NRG1: variants seen among roughly 807,000 people sequenced by gnomAD.
NRG1 encodes neuregulin 1, also known as pro-neuregulin-1, membrane-bound isoform.
Under a neutral mutation model 63.8 loss-of-function variants are expected in NRG1, and 18 were observed. That is an observed-to-expected ratio of 0.28 (90% confidence interval 0.19 to 0.42). The LOEUF (loss-of-function observed/expected upper bound fraction) is 0.42, where lower values mean the gene tolerates loss of function less well. Ranked by LOEUF, NRG1 falls within the 10% of genes least tolerant of loss-of-function variation. The pLI, the probability that NRG1 is intolerant of heterozygous loss-of-function variation, is 1.00. For missense variants in NRG1, 762 were observed against 814.7 expected, an observed-to-expected ratio of 0.94 and a Z score of 0.79; for synonymous variants, 302 against 301.3, an observed-to-expected ratio of 1.00 and a Z score of -0.02.
chr8:31,791,217 A>AG (rs1395620695), intron 1 of NRG1, among the ~76,000 whole-genome samples: 4 of 151,800 alleles, frequency 2.6e-5, no homozygotes, highest in African/African-American at 7.3e-5. Context: ...AAAAAAAAAA[A>AG]AAAGAAAGAA....
rs1193344362 is a variant in NRG1, at chr8:31,640,709, G to T, written c.37+1278G>T. The T allele has an allele frequency of 1.2e-6, 2 of 1,600,260 alleles. No homozygotes were observed. ...CGGAACCTCAAGAAGGAGGTCAGCC[G>T]GGTGCTGTGCAAGCGGTGCGGTAAG... is the stretch of plus-strand genomic sequence containing the variant. On this transcript the variant is annotated intron_variant, in intron 1 of 10. Transcript: ENST00000519301. The surrounding 1 kb of genome is among the most constrained non-coding windows in gnomAD (Gnocchi z 6.3).
intron 5 of NRG1, among the ~76,000 whole-genome samples, chr8:32,628,469 A>G (rs950240646): frequency 2.0e-5 from 3 of 152,144 alleles, no homozygotes; most frequent in African/African-American, 7.2e-5. Flanking sequence ...GGTATGTTTT[A>G]GGATACATAG....
chr8:32,312,031 C>T (rs74814333), intron 1 of NRG1, among the ~76,000 whole-genome samples: 5,676 of 152,144 alleles, frequency 0.037, 131 homozygotes, highest in Non-Finnish European at 0.056. Flanking sequence ...AACTGTCCCA[C>T]GGCAAGACCA....
chr8:31,763,732 C>T (rs979053072), intron 1 of NRG1, among the ~76,000 whole-genome samples: 10 of 152,230 alleles, frequency 6.6e-5, no homozygotes, highest in South Asian at 2.1e-4. Context: ...GGGCAGATCA[C>T]GAGGTCAGGA....
intron 1 of NRG1, among the ~76,000 whole-genome samples, chr8:32,129,263 A>G (rs1290076093): frequency 6.6e-6 from 1 of 151,944 alleles, no homozygotes; most frequent in African/African-American, 2.4e-5. Flanking sequence ...GTGCCTTAGA[A>G]CAACAGAAAT....
intron 1 of NRG1, among the ~76,000 whole-genome samples, chr8:31,698,377 T>G (rs951608884): frequency 1.8e-4 from 28 of 152,258 alleles, no homozygotes; most frequent in African/African-American, 6.0e-4. Context: ...AAGGGTGTGT[T>G]TTTAGCTAGC....
chr8:31,920,384 T>C (rs1250361959), intron 1 of NRG1, among the ~76,000 whole-genome samples: 1 of 152,202 alleles, frequency 6.6e-6, no homozygotes, highest in Non-Finnish European at 1.5e-5. Context: ...AGGAATATAC[T>C]GGCAGATACT....
At chr8:32,634,982 C>G (rs1851051250) in intron 5 of NRG1, among the ~76,000 whole-genome samples, 1 of 152,100 alleles carries the variant, frequency 6.6e-6, no homozygotes, top group South Asian at 2.1e-4. Flanking sequence ...ACTTTGCATA[C>G]TGATTGTAAA....
intron 1 of NRG1, among the ~76,000 whole-genome samples, chr8:31,799,236 A>G: frequency 6.6e-6 from 1 of 152,126 alleles, no homozygotes; most frequent in East Asian, 1.9e-4. Flanking sequence ...AACTTTTGAT[A>G]GAAATTTGTT....
At chr8:31,646,167 C>A (rs890562254) in intron 1 of NRG1, among the ~76,000 whole-genome samples, 3 of 152,196 alleles carry the variant, frequency 2.0e-5, no homozygotes, top group African/African-American at 7.2e-5. Flanking sequence ...ACCTGCATTG[C>A]ATCTCTAGTT....
chr8:32,366,122 T>C (rs945507709), intron 1 of NRG1, among the ~76,000 whole-genome samples: 13 of 152,372 alleles, frequency 8.5e-5, no homozygotes, highest in African/African-American at 2.9e-4. Context: ...AATACATTCA[T>C]GGACATATGA....
intron 1 of NRG1, among the ~76,000 whole-genome samples, chr8:31,692,542 A>C (rs1254907138): frequency 1.3e-5 from 2 of 152,324 alleles, no homozygotes; most frequent in African/African-American, 2.4e-5. Flanking sequence ...ACTCCCACCT[A>C]TCTCTTTTGA....
At chr8:32,511,722 T>C (rs1187309543) in intron 1 of NRG1, among the ~76,000 whole-genome samples, 2 of 152,026 alleles carry the variant, frequency 1.3e-5, no homozygotes, top group Non-Finnish European at 2.9e-5. Context: ...TGCTCATGGA[T>C]AAAAACAATA....
chr8:32,272,160 C>T (rs1586545373), intron 1 of NRG1, among the ~76,000 whole-genome samples: 2 of 152,170 alleles, frequency 1.3e-5, no homozygotes, highest in African/African-American at 4.8e-5. Flanking sequence ...TTGTTTCCCA[C>T]CATTCTGGAG....
chr8:32,689,685 T>A (rs569040337), intron 5 of NRG1, among the ~76,000 whole-genome samples: 2 of 152,292 alleles, frequency 1.3e-5, no homozygotes, highest in Non-Finnish European at 2.9e-5. Context: ...TGTATACATA[T>A]ATGTATGTGT....
At chr8:32,721,892 T>A in intron 5 of NRG1, 1 of 1,436,292 alleles carries the variant, frequency 7.0e-7, no homozygotes, top group African/African-American at 1.5e-5. Context: ...AAGCATTTTT[T>A]TCCCCAGTAG....
intron 1 of NRG1, among the ~76,000 whole-genome samples, chr8:32,343,967 T>G (rs921166972): frequency 6.6e-6 from 1 of 152,210 alleles, no homozygotes; most frequent in African/African-American, 2.4e-5. Context: ...TAAAAAATGC[T>G]CAATCTTCCA....
Position 32,144,613 on chromosome 8 carries a change from T to A in NRG1, c.38-451215T>A, listed in dbSNP as rs374574410. 9.2e-5 allele frequency among the ~76,000 whole-genome samples: 14 copies of A among 152,320 alleles called. No homozygotes were observed. The South Asian group carries it at 1.5e-3, about 16-fold the overall frequency. On this transcript the variant is annotated intron_variant, in intron 1 of 10. Coordinates refer to the NRG1 transcript ENST00000519301. The stretch of plus-strand genomic sequence containing the variant: ...CCATGGAGTGCATGCAGGAATTCCC[T>A]TCATTGACTCAGGCTGGTACCATTC...
At chr8:32,764,262 C>T in exon 12 of NRG1, 11 of 1,614,138 alleles carry the variant, frequency 6.8e-6, no homozygotes, top group Non-Finnish European at 9.3e-6. Flanking sequence ...ACAGAACCCC[C>T]TGGCAGCCAG....
Sources: gnomAD v4.1 joint callset for allele counts (sites outside exome capture counted in the v4.1 genomes callset) on GRCh38, gnomAD v4.1.1 for gene constraint, Gnocchi (gnomAD v3.1) non-coding constraint, MANE v1.5 for transcripts, NCBI Gene and HGNC (gene_info 2026-07-23, HGNC 2026-07-21) for gene names.